The following HPS4 variants were observed in gnomAD, a reference collection of about 807,000 sequenced individuals.
HPS4 encodes BLOC-3 complex member HPS4.
In HPS4, 44 loss-of-function variants were observed where a neutral mutation model predicts 70.3. The observed-to-expected ratio is 0.63, with a 90% CI of 0.49 to 0.80. HPS4 has a LOEUF of 0.80. Among genes scored for constraint, HPS4 ranks in the 30% least tolerant of loss-of-function variants. HPS4 has a pLI of 0.00. For missense variants in HPS4, 873 were observed against 884.4 expected (o/e 0.99, Z 0.16); for synonymous variants, 377 against 355.9 (o/e 1.06, Z -0.67).
intron 7 of HPS4, among the ~76,000 whole-genome samples, chr22:26,469,710 AAT>A (rs10567977): frequency 0.82 from 116,874 of 141,874 alleles, 48,808 homozygotes; most frequent in Non-Finnish European, 0.9. Flanking sequence ...AAGAAAAAAA[AAT>A]ATATATATAT....
intron 8 of HPS4, chr22:26,468,051 GC>G (rs985789659): frequency 1.8e-5 from 3 of 163,114 alleles, no homozygotes; most frequent in Non-Finnish European, 2.7e-5. Flanking sequence ...TTACAGGTGT[GC>G]ACCACCACAC....
chr22:26,451,371 C>T lies in HPS4; in HGVS notation c.*1862G>A, dbSNP rs1019394656. 2 of 152,258 alleles carry T rather than the reference C, an allele frequency of 1.3e-5. No individual in the cohort carries two copies. The highest frequency in any genetic ancestry group is 2.1e-4 in the South Asian group (1 of 4,830). The allele number at this position is 152,258 out of a possible 1,614,324, so 9.4% of individuals were successfully genotyped here. On this transcript the variant is annotated 3_prime_UTR_variant, in exon 14 of 14. Transcript: ENST00000398145. ...CAGCCTCTGGGCCACAGTTACCAAG[C>T]TTTAGAGATGACGGCTGCAGCTGCC...
rs1175000345 is a variant in HPS4, at chr22:26,450,912, T to C, written c.*2321A>G. On this transcript the variant is annotated 3_prime_UTR_variant, in exon 14 of 14. Coordinates refer to ENST00000398145, the MANE Select transcript of HPS4 (RefSeq NM_022081.6). ...TTTATAAAGTACCCAGTCTCGGGTA[T>C]GTCTTTATTAGAACCGTGAGAACGG... Among the ~76,000 whole-genome samples the C allele has an allele frequency of 6.6e-6, 1 of 152,244 alleles. No homozygotes were observed. The highest frequency in any genetic ancestry group is 2.4e-5 in the African/African-American group (1 of 41,462).
chr22:26,445,196 T>C (rs2084912444), intron 3 of HPS4, among the ~76,000 whole-genome samples: 1 of 152,140 alleles, frequency 6.6e-6, no homozygotes, highest in Non-Finnish European at 1.5e-5. Context: ...TAGCTGAGTG[T>C]GGTGGTGCAC....
At chr22:26,478,441 G>A (rs1214610522) in intron 3 of HPS4, among the ~76,000 whole-genome samples, 2 of 151,822 alleles carry the variant, frequency 1.3e-5, no homozygotes, top group African/African-American at 4.8e-5. Context: ...CGTGGTAGCG[G>A]GCGACTGTAG....
At chr22:26,450,377 T>G (rs566305892), downstream of HPS4, among the ~76,000 whole-genome samples, 2 of 152,178 alleles carry the variant, frequency 1.3e-5, no homozygotes, top group African/African-American at 4.8e-5. Flanking sequence ...CTTAGCCACA[T>G]TGGAAAAGAC....
At chr22:26,465,315 A>G (rs2088306175) in intron 10 of HPS4, 140 bp downstream of exon 10, 9 of 709,738 alleles carry the variant, frequency 1.3e-5, no homozygotes, top group Non-Finnish European at 2.3e-5. Context: ...CTCAAGATTC[A>G]GATGCTCCTT....
At chr22:26,471,366 T>C in intron 6 of HPS4, 1 of 456,260 alleles carries the variant, frequency 2.2e-6, no homozygotes, top group Non-Finnish European at 4.4e-6. Context: ...ATTCCTTGTA[T>C]GGAGTCAGGG....
At position 26,481,846 on chromosome 22, in the gene HPS4, T is replaced by A. The variant is rs1225493201; in HGVS notation, c.-84A>T. The A allele has an allele frequency of 9.9e-6, 13 of 1,319,712 alleles. No homozygotes were observed. The highest frequency in any genetic ancestry group is 1.3e-5 in the Non-Finnish European group (12 of 912,478). 81.8% of individuals were successfully genotyped at this position (1,319,712 alleles called of 1,614,324 possible). On this transcript the variant is annotated 5_prime_UTR_variant, in exon 2 of 14. Transcript: ENST00000398145. ...TTCTCCCTAGCTGTGACCGTTCCTC[T>A]ATCCCCCAATCCAGTGAATCTGGAC...
At chr22:26,457,210 CTTT>C (rs1555889771) in intron 13 of HPS4, among the ~76,000 whole-genome samples, 305 of 25,562 alleles carry the variant, frequency 0.012, 1 homozygote, top group African/African-American at 0.021. Flanking sequence ...GCACGTATTA[CTTT>C]TTTTTTTTTT....
chr22:26,472,793 A>T, intron 5 of HPS4, 39 bp downstream of exon 5: 1 of 1,440,858 alleles, frequency 6.9e-7, no homozygotes, highest in Non-Finnish European at 9.8e-7. Flanking sequence ...GTTTTTATAA[A>T]GAGGCCCAAT....
chr22:26,476,199 G>A (rs545581492), intron 4 of HPS4: 38 of 152,062 alleles, frequency 2.5e-4, no homozygotes, highest in African/African-American at 6.5e-4. Context: ...AAAAATTTTC[G>A]TAATAAAATG....
chr22:26,450,338 G>A (rs73160866), downstream of HPS4, among the ~76,000 whole-genome samples: 19,602 of 152,186 alleles, frequency 0.13, 1,749 homozygotes, highest in South Asian at 0.37. Context: ...TGTTAAGAAC[G>A]CAGTAACTGG....
chr22:26,463,521 C>T (rs771725507), intron 11 of HPS4, among the ~76,000 whole-genome samples: 19 of 152,232 alleles, frequency 1.2e-4, no homozygotes, highest in Non-Finnish European at 2.4e-4. Context: ...CTACCACCAT[C>T]CCTACGTGAC....
At chr22:26,456,429 G>C (rs1465903228) in intron 13 of HPS4, among the ~76,000 whole-genome samples, 1 of 152,350 alleles carries the variant, frequency 6.6e-6, no homozygotes, top group East Asian at 1.9e-4. Flanking sequence ...GGAAGGCCAA[G>C]GTGGGCAGAT....
chr22:26,457,878 G>A lies in HPS4; in HGVS notation c.1936C>T (p.Leu646Phe), dbSNP rs2146354632. 1 of 1,614,146 alleles carries A rather than the reference G, an allele frequency of 6.2e-7. No individual in the cohort carries two copies. The highest frequency in any genetic ancestry group is 8.5e-7 in the Non-Finnish European group (1 of 1,179,952). Residue 646 changes from leucine to phenylalanine, a missense_variant, in exon 13 of 14, where the codon CTT (leucine) becomes TTT (phenylalanine). Coordinates refer to ENST00000398145, the MANE Select transcript of HPS4 (RefSeq NM_022081.6). Reference sequence around the variant, plus strand: ...GCTCACCTGACAGTCATTTCATAAAGCGCGGGCAGCTGGGCAAATTCGCTA... The same window carrying A: ...GCTCACCTGACAGTCATTTCATAAAACGCGGGCAGCTGGGCAAATTCGCTA... ...MHSEFAQLPA[L>F]YEMTVRNAST...
downstream of HPS4, among the ~76,000 whole-genome samples, chr22:26,449,447 C>T (rs538700672): frequency 3.3e-5 from 5 of 151,140 alleles, no homozygotes; most frequent in South Asian, 2.1e-4. Flanking sequence ...TCTCCGGCTT[C>T]GGCCTCCCGA....
chr22:26,470,542 GACAGGTACAC>G (rs1377921899), intron 7 of HPS4, among the ~76,000 whole-genome samples, 167 bp downstream of exon 7: 1 of 152,154 alleles, frequency 6.6e-6, no homozygotes, highest in Non-Finnish European at 1.5e-5. Flanking sequence ...TTTGCTCAAA[GACAGGTACAC>G]ACCTGTCTTT....
chr22:26,468,436 A>G (rs2089132608), intron 8 of HPS4, 115 bp downstream of exon 8: 2 of 892,772 alleles, frequency 2.2e-6, no homozygotes, highest in African/African-American at 3.3e-5. Context: ...GGGTCCTGAC[A>G]AGACCAAGTG....
Sources: allele counts gnomAD v4.1 joint callset (sites outside exome capture counted in the v4.1 genomes callset), GRCh38; gene constraint gnomAD v4.1.1; transcripts MANE v1.5; gene names NCBI Gene and HGNC (gene_info 2026-07-23, HGNC 2026-07-21).